Variants in PTPRD observed in about 807,000 individuals in gnomAD.
PTPRD encodes receptor-type tyrosine-protein phosphatase delta.
In PTPRD, 34 loss-of-function variants were observed where a neutral mutation model predicts 214.5. The observed-to-expected ratio is 0.16, with a 90% CI of 0.12 to 0.21. The LOEUF is 0.21. PTPRD is among the 10% of genes least tolerant of loss of function. The pLI, the probability that PTPRD is intolerant of heterozygous loss-of-function variation, is 1.00. For missense variants in PTPRD, 2,545 were observed against 2,398.7 expected (o/e 1.06, Z -1.27); for synonymous variants, 1,128 against 845.7 (o/e 1.33, Z -5.79).
chr9:9,791,718 C>G (rs1232502013), intron 5 of PTPRD, among the ~76,000 whole-genome samples: 1 of 152,060 alleles, frequency 6.6e-6, no homozygotes, highest in African/African-American at 2.4e-5. Context: ...AACAGTCTTT[C>G]CTTTTAATTA....
At chr9:9,536,855 C>T in intron 8 of PTPRD, among the ~76,000 whole-genome samples, 1 of 152,036 alleles carries the variant, frequency 6.6e-6, no homozygotes, top group Admixed American at 6.6e-5. Flanking sequence ...TTAAAACTTT[C>T]TTGTCGCAAG....
intron 11 of PTPRD, among the ~76,000 whole-genome samples, chr9:9,015,105 G>C (rs769189481): frequency 6.6e-6 from 1 of 151,978 alleles, no homozygotes; most frequent in East Asian, 1.9e-4. Context: ...AAATTAACTA[G>C]ATAGCTTTTA....
intron 5 of PTPRD, among the ~76,000 whole-genome samples, chr9:9,852,161 A>T (rs1025218656): frequency 1.1e-4 from 17 of 149,616 alleles, no homozygotes; most frequent in Admixed American, 2.0e-4. Context: ...GAATCTAATT[A>T]AAAAAAAAAT....
chr9:10,101,335 T>G (rs1168094667), intron 3 of PTPRD, among the ~76,000 whole-genome samples: 1 of 151,678 alleles, frequency 6.6e-6, no homozygotes, highest in Non-Finnish European at 1.5e-5. Context: ...ATGCAAAAAG[T>G]CACCCAATTT....
chr9:9,543,964 T>C (rs557882537), intron 8 of PTPRD, among the ~76,000 whole-genome samples: 13 of 151,754 alleles, frequency 8.6e-5, no homozygotes, highest in African/African-American at 3.1e-4. Context: ...ATCAGGTAAC[T>C]GTCAGATTAG....
chr9:8,892,769 A>G (rs2098553150), intron 11 of PTPRD, among the ~76,000 whole-genome samples: 1 of 151,448 alleles, frequency 6.6e-6, no homozygotes, highest in South Asian at 2.1e-4. Flanking sequence ...ACGGAAGCTC[A>G]GAAGAAAGAA....
intron 3 of PTPRD, among the ~76,000 whole-genome samples, chr9:10,088,215 A>G (rs1312662351): frequency 1.3e-5 from 2 of 151,820 alleles, no homozygotes; most frequent in African/African-American, 4.8e-5. Context: ...GACAATCCAC[A>G]AAATGAACTT....
intron 27 of PTPRD, among the ~76,000 whole-genome samples, chr9:8,489,673 G>A (rs922526775): frequency 6.6e-6 from 1 of 152,206 alleles, no homozygotes; most frequent in Non-Finnish European, 1.5e-5. Flanking sequence ...GCTGGAGTAA[G>A]GGTTTGGGAC....
At chr9:10,447,819 A>G (rs2098810074) in intron 2 of PTPRD, among the ~76,000 whole-genome samples, 1 of 151,976 alleles carries the variant, frequency 6.6e-6, no homozygotes, top group South Asian at 2.1e-4. Flanking sequence ...AAAGTAGTAT[A>G]AGTGACATGC....
intron 5 of PTPRD, among the ~76,000 whole-genome samples, chr9:9,796,021 TAAGAAA>T (rs1426502640): frequency 6.6e-6 from 1 of 152,178 alleles, no homozygotes; most frequent in Non-Finnish European, 1.5e-5. Context: ...AGAATTATAT[TAAGAAA>T]AAGATTCTTC....
chr9:8,473,816 T>C (rs2096708916), intron 30 of PTPRD, among the ~76,000 whole-genome samples: 1 of 152,198 alleles, frequency 6.6e-6, no homozygotes, highest in Non-Finnish European at 1.5e-5. Context: ...ACAACCTTTT[T>C]TCTCCGCTGA....
At chr9:8,931,602 T>A (rs531929597) in intron 11 of PTPRD, among the ~76,000 whole-genome samples, 29 of 152,212 alleles carry the variant, frequency 1.9e-4, no homozygotes, top group Non-Finnish European at 3.8e-4. Context: ...GAGCATGGAA[T>A]GTTCTTCCAT....
intron 3 of PTPRD, among the ~76,000 whole-genome samples, chr9:10,096,712 T>C (rs1462937806): frequency 1.3e-5 from 2 of 152,082 alleles, no homozygotes; most frequent in Non-Finnish European, 2.9e-5. Context: ...TGATGGTAGT[T>C]TCTTTTGCTG....
chr9:8,442,590 A>G (rs967252308), intron 34 of PTPRD, among the ~76,000 whole-genome samples: 2 of 152,192 alleles, frequency 1.3e-5, no homozygotes, highest in African/African-American at 4.8e-5. Flanking sequence ...CATCAAATCA[A>G]TTACCACAGT....
At chr9:9,448,448 C>A (rs2091167375) in intron 8 of PTPRD, among the ~76,000 whole-genome samples, 1 of 152,000 alleles carries the variant, frequency 6.6e-6, no homozygotes, top group Non-Finnish European at 1.5e-5. Context: ...CTTTGCAGTT[C>A]ATTCTCTCTC....
chr9:8,368,552 C>A (rs777796702), intron 39 of PTPRD, among the ~76,000 whole-genome samples: 3 of 152,094 alleles, frequency 2.0e-5, no homozygotes, highest in Non-Finnish European at 4.4e-5. Context: ...ATCTATTATG[C>A]TTCTTTTCAA....
At chr9:9,780,677 C>A (rs2098836199) in intron 5 of PTPRD, among the ~76,000 whole-genome samples, 1 of 152,154 alleles carries the variant, frequency 6.6e-6, no homozygotes, top group Non-Finnish European at 1.5e-5. Context: ...CATCACACAC[C>A]TAGGTATTTA....
rs111466805 is a variant in PTPRD at position 9,889,813 on chromosome 9, A to ATG, written c.-368+48692_-368+48693dup. Among the ~76,000 whole-genome samples the ATG allele has an allele frequency of 9.9e-5, 14 of 141,608 alleles. No individual in the cohort carries two copies. In the South Asian group the frequency reaches 1.1e-3, roughly 11 times the overall value. 92.9% of individuals were successfully genotyped at this position (141,608 alleles called of 152,430 possible). ...AGTGTGTGTGTGTGTGTGTGTGTGT[A>ATG]TGTGTGTGTGTGTGTCTGTGTGTGG... On this transcript the variant is annotated intron_variant, in intron 5 of 45. Transcript: ENST00000381196.
At chr9:9,452,786 T>A (rs559203055) in intron 8 of PTPRD, among the ~76,000 whole-genome samples, 1 of 151,538 alleles carries the variant, frequency 6.6e-6, no homozygotes, top group East Asian at 1.9e-4. Context: ...AAATAATAAT[T>A]TGCTTAATAT....
Sources: gnomAD v4.1 joint callset for allele counts (sites outside exome capture counted in the v4.1 genomes callset) on GRCh38, gnomAD v4.1.1 for gene constraint, MANE v1.5 for transcripts, NCBI Gene and HGNC (gene_info 2026-07-23, HGNC 2026-07-21) for gene names.